Variants in XYLT1 observed in about 807,000 individuals in gnomAD.
The protein encoded by XYLT1 is xylosyltransferase 1, also known as beta-D-xylosyltransferase 1.
In XYLT1, 36 loss-of-function variants were observed where a neutral mutation model predicts 91.3. The observed-to-expected ratio is 0.39, with a 90% CI of 0.30 to 0.52. The LOEUF (loss-of-function observed/expected upper bound fraction) is 0.52. Among genes scored for constraint, XYLT1 ranks in the 20% least tolerant of loss-of-function variants. The probability of loss-of-function intolerance (pLI) is 0.68; values close to 1 mark genes in which losing one functional copy is unlikely to be tolerated. For missense variants in XYLT1, 1,242 were observed against 1,284.5 expected (o/e 0.97, Z 0.51); for synonymous variants, 588 against 532.0 (o/e 1.11, Z -1.45).
chr16:17,460,698 C>T (rs973508741), intron 1 of XYLT1, among the ~76,000 whole-genome samples: 2 of 152,316 alleles, frequency 1.3e-5, no homozygotes, highest in African/African-American at 2.4e-5. Context: ...TGTTTAACAC[C>T]AAGCAAGCAC....
chr16:17,403,038 G>A lies in XYLT1; in HGVS notation c.364-44988C>T, dbSNP rs150153707. Among the ~76,000 whole-genome samples, 157 of 152,210 alleles carry A rather than the reference G, an allele frequency of 1.0e-3. 1 individual carries two copies. The highest frequency in any genetic ancestry group is 3.6e-3 in the African/African-American group (151 of 41,530). ...TGCTTATGACATCAAAGGCCTGTGC[G>A]GAATGACCATCATCCCAGCTTCCAG... On this transcript the variant is annotated intron_variant, in intron 1 of 11. Transcript: ENST00000261381.
At chr16:17,248,039 G>A (rs1388519205) in intron 3 of XYLT1, among the ~76,000 whole-genome samples, 1 of 152,196 alleles carries the variant, frequency 6.6e-6, no homozygotes, top group Non-Finnish European at 1.5e-5. Context: ...GTTTGGCTGT[G>A]TCCCCACCCA....
intron 10 of XYLT1, 147 bp downstream of exon 10, chr16:17,127,519 C>T: frequency 2.0e-6 from 2 of 984,712 alleles, no homozygotes; most frequent in Non-Finnish European, 3.0e-6. Flanking sequence ...GCCGGAGAAC[C>T]TTCTTCGGGC....
intron 1 of XYLT1, among the ~76,000 whole-genome samples, chr16:17,433,112 G>T (rs1183457753): frequency 6.6e-6 from 1 of 152,020 alleles, no homozygotes; most frequent in African/African-American, 2.4e-5. Flanking sequence ...CCCATCAGCT[G>T]TGTTAGAAAA....
Position 17,159,910 on chromosome 16 carries a change from T to G in XYLT1, c.1290-1001A>C, listed in dbSNP as rs2031506007. Among the ~76,000 whole-genome samples, 3 of 152,234 alleles carry G rather than the reference T, an allele frequency of 2.0e-5. 1 individual carries two copies. The highest frequency in any genetic ancestry group is 2.9e-5 in the Non-Finnish European group (2 of 68,048). On this transcript the variant is annotated intron_variant, in intron 5 of 11. Transcript: ENST00000261381. ...ATAAACCCAAACAGGTAAATGGTGCTGATGTGACAGCTCCTTTATCACCAG... is the reference window on the plus strand; with the variant it reads ...ATAAACCCAAACAGGTAAATGGTGCGGATGTGACAGCTCCTTTATCACCAG...
At chr16:17,318,459 C>T (rs908255393) in intron 2 of XYLT1, among the ~76,000 whole-genome samples, 4 of 152,256 alleles carry the variant, frequency 2.6e-5, no homozygotes, top group African/African-American at 9.6e-5. Context: ...GGCTCCCACA[C>T]CAATGAATCC....
intron 6 of XYLT1, among the ~76,000 whole-genome samples, chr16:17,143,521 A>G (rs905472719): frequency 6.6e-6 from 1 of 152,150 alleles, no homozygotes; most frequent in Non-Finnish European, 1.5e-5. Context: ...GAATAACTCT[A>G]TTGTATGAAT....
chr16:17,316,218 G>A (rs2034629990), intron 2 of XYLT1, among the ~76,000 whole-genome samples: 1 of 152,138 alleles, frequency 6.6e-6, no homozygotes, highest in South Asian at 2.1e-4. Context: ...ACACCACATG[G>A]AGAAGAGATA....
intron 2 of XYLT1, among the ~76,000 whole-genome samples, chr16:17,305,540 C>T (rs1003400848): frequency 4.0e-5 from 6 of 151,606 alleles, no homozygotes; most frequent in South Asian, 2.1e-4. Context: ...CTCAGCCTCC[C>T]GAGTAGCTAG....
chr16:17,121,267 G>A (rs1318865072), intron 10 of XYLT1, among the ~76,000 whole-genome samples: 2 of 152,202 alleles, frequency 1.3e-5, no homozygotes, highest in Admixed American at 1.3e-4. Context: ...CTGAAATCGA[G>A]TTTTAAAACC....
At chr16:17,242,674 G>C in intron 3 of XYLT1, among the ~76,000 whole-genome samples, 1 of 152,196 alleles carries the variant, frequency 6.6e-6, no homozygotes, top group East Asian at 1.9e-4. Context: ...GTGCACAATA[G>C]TGTTAAGTAT....
rs997205313 is a variant in XYLT1, at chr16:17,470,775, G to A, written c.22C>T (p.Arg8Trp). 2 of 1,045,336 alleles carry A rather than the reference G, an allele frequency of 1.9e-6. No homozygotes were observed. Among genetic ancestry groups the A allele is most frequent in the Admixed American group, 5.5e-5 (1 of 18,318 alleles). 64.8% of individuals were successfully genotyped at this position (1,045,336 alleles called of 1,614,324 possible). ...GAGTGCGAGCGCCGGGCCAGCCTCC[G>A]GGCGCACGGCGCCGCCACCATCTTC... MVAAPCA[R>W]RLARRSHSAL... Residue 8 changes from arginine to tryptophan, a missense_variant, in exon 1 of 12, where the codon CGG becomes TGG. Arg to Trp is a moderately radical substitution (Grantham distance 101). This residue lies in a region of XYLT1 where 437 missense variants were observed against 411.5 expected (regional missense o/e 1.06). Coordinates refer to ENST00000261381, the MANE Select transcript of XYLT1 (RefSeq NM_022166.4).
intron 11 of XYLT1, among the ~76,000 whole-genome samples, chr16:17,116,002 A>G (rs1164827425): frequency 7.0e-6 from 1 of 142,116 alleles, no homozygotes; most frequent in African/African-American, 2.5e-5. Flanking sequence ...AAAAAAAGCA[A>G]TCTTACAGTA....
chr16:17,268,136 A>C (rs2033833980), intron 2 of XYLT1, among the ~76,000 whole-genome samples: 1 of 151,850 alleles, frequency 6.6e-6, no homozygotes, highest in Admixed American at 6.6e-5. Context: ...TTTTCCAGAA[A>C]CTCCACTGCA....
chr16:17,144,646 C>T (rs1277395882), intron 6 of XYLT1, among the ~76,000 whole-genome samples: 1 of 152,114 alleles, frequency 6.6e-6, no homozygotes, highest in African/African-American at 2.4e-5. Flanking sequence ...TTGCTCTGGG[C>T]AGATGACACA....
intron 1 of XYLT1, among the ~76,000 whole-genome samples, chr16:17,396,850 A>G (rs1238134870): frequency 6.6e-6 from 1 of 152,180 alleles, no homozygotes; most frequent in African/African-American, 2.4e-5. Flanking sequence ...TGGCCTGGGC[A>G]GAGTGGGACT....
chr16:17,245,917 C>T (rs1023974973), intron 3 of XYLT1, among the ~76,000 whole-genome samples: 3 of 152,204 alleles, frequency 2.0e-5, no homozygotes, highest in Non-Finnish European at 2.9e-5. Context: ...AAGTCCTTAG[C>T]GTCTTGGATG....
At position 17,104,293 on chromosome 16, in the gene XYLT1, C is replaced by T. The variant is rs747812925; in HGVS notation, c.*4402G>A. On this transcript the variant is annotated 3_prime_UTR_variant, in exon 12 of 12. Coordinates refer to ENST00000261381, the MANE Select transcript of XYLT1 (RefSeq NM_022166.4). Reference sequence around the variant, plus strand: ...ATTTCGGCCTGGTTTGATGGAGTCCCACAAGCTGTAGCCCCAGGCAGATGT... The same window carrying T: ...ATTTCGGCCTGGTTTGATGGAGTCCTACAAGCTGTAGCCCCAGGCAGATGT... 4 of 152,420 alleles carry T rather than the reference C, an allele frequency of 2.6e-5. No homozygotes were observed. The highest frequency in any genetic ancestry group is 5.9e-5 in the Non-Finnish European group (4 of 68,144). 9.4% of individuals were successfully genotyped at this position (152,420 alleles called of 1,614,324 possible).
intron 1 of XYLT1, among the ~76,000 whole-genome samples, chr16:17,448,762 A>G (rs2036627112): frequency 6.6e-6 from 1 of 151,746 alleles, no homozygotes; most frequent in Non-Finnish European, 1.5e-5. Context: ...GGGCAGAGGA[A>G]GAGGAAGAGG....
Sources: allele counts gnomAD v4.1 joint callset (sites outside exome capture counted in the v4.1 genomes callset), GRCh38; gene constraint gnomAD v4.1.1; regional missense constraint gnomAD v4.1.1; transcripts MANE v1.5; gene names NCBI Gene and HGNC (gene_info 2026-07-23, HGNC 2026-07-21).